Variants in DLGAP2 observed in about 807,000 individuals in gnomAD.
DLGAP2 encodes the protein DLG associated protein 2, also known as disks large-associated protein 2.
In DLGAP2, 26 loss-of-function variants were observed where a neutral mutation model predicts 100.3. The observed-to-expected ratio is 0.26, with a 90% CI of 0.19 to 0.36. The LOEUF (loss-of-function observed/expected upper bound fraction) is 0.36. Among genes scored for constraint, DLGAP2 ranks in the 10% least tolerant of loss-of-function variants. The pLI is 1.00. For missense variants in DLGAP2, 1,858 were observed against 1,453.2 expected, an observed-to-expected ratio of 1.28 and a Z score of -4.53; for synonymous variants, 886 against 630.1, an observed-to-expected ratio of 1.41 and a Z score of -6.08.
chr8:998,278 C>T (rs1320698517), intron 2 of DLGAP2, among the ~76,000 whole-genome samples: 1 of 152,188 alleles, frequency 6.6e-6, no homozygotes, highest in Non-Finnish European at 1.5e-5. Context: ...TCAGCTCCTA[C>T]AGAGGCTCAT....
At chr8:1,011,811 C>G (rs1801298729) in intron 2 of DLGAP2, among the ~76,000 whole-genome samples, 1 of 151,890 alleles carries the variant, frequency 6.6e-6, no homozygotes, top group Admixed American at 6.6e-5. Flanking sequence ...TGAGAGTCCT[C>G]AGTCTGCACA....
At chr8:1,588,574 C>G (rs994074083) in intron 6 of DLGAP2, among the ~76,000 whole-genome samples, 2 of 151,866 alleles carry the variant, frequency 1.3e-5, no homozygotes, top group East Asian at 3.9e-4. Flanking sequence ...AAATAATTGT[C>G]AAGTAAATAA....
At chr8:1,386,869 A>T (rs1796232901) in intron 3 of DLGAP2, among the ~76,000 whole-genome samples, 1 of 152,240 alleles carries the variant, frequency 6.6e-6, no homozygotes, top group Non-Finnish European at 1.5e-5. Context: ...GAGAATTTTG[A>T]ACTGTATTAA....
At chr8:1,057,740 CA>C (rs1802926262) in intron 2 of DLGAP2, among the ~76,000 whole-genome samples, 1 of 152,126 alleles carries the variant, frequency 6.6e-6, no homozygotes. Flanking sequence ...TGACTATGTT[CA>C]TTGATACTAA....
intron 2 of DLGAP2, among the ~76,000 whole-genome samples, chr8:1,049,337 G>A (rs957029466): frequency 5.9e-5 from 9 of 152,036 alleles, no homozygotes; most frequent in South Asian, 2.1e-4. Context: ...TAACGTCTTC[G>A]AAGACACAGA....
intron 1 of DLGAP2, among the ~76,000 whole-genome samples, chr8:795,359 C>A (rs1185328866): frequency 6.6e-6 from 1 of 152,222 alleles, no homozygotes; most frequent in Admixed American, 6.5e-5. Flanking sequence ...CGAAGCTTCT[C>A]TAACACGTGT....
intron 2 of DLGAP2, among the ~76,000 whole-genome samples, chr8:985,089 C>T (rs988555428): frequency 1.3e-5 from 2 of 152,202 alleles, no homozygotes; most frequent in South Asian, 2.1e-4. Flanking sequence ...AATGTTTCCA[C>T]GTAGTCATAT....
At chr8:1,057,481 A>G (rs1356671403) in intron 2 of DLGAP2, among the ~76,000 whole-genome samples, 2 of 152,196 alleles carry the variant, frequency 1.3e-5, no homozygotes, top group African/African-American at 4.8e-5. Flanking sequence ...CTTTCCTTCT[A>G]TGGATATAAA....
Position 1,683,952 on chromosome 8 carries a change from GTGTATATATATATATATATATATA to G in DLGAP2, c.2704+5325_2704+5348del, listed in dbSNP as rs1377787609. Among the ~76,000 whole-genome samples the G allele has an allele frequency of 2.5e-4, 5 of 20,348 alleles. 1 individual carries two copies. The highest frequency in any genetic ancestry group is 1.0e-3 in the African/African-American group (5 of 4,842). The allele number at this position is 20,348 out of a possible 152,430, so 13.3% of individuals were successfully genotyped here. ...TGTATATATGTGTATATATATATGT[GTGTATATATATATATATATATATA>G]TATATATATATACTTTTTTTTTTAA... On this transcript the variant is annotated intron_variant, in intron 12 of 14. Transcript: ENST00000637795.
intron 8 of DLGAP2, among the ~76,000 whole-genome samples, chr8:1,649,119 C>T (rs563128607): frequency 9.2e-5 from 14 of 152,288 alleles, no homozygotes; most frequent in Admixed American, 7.8e-4. Flanking sequence ...CAGGTGTATA[C>T]ATTGAATTTG....
In DLGAP2 at chr8:1,324,437, G is replaced by A. The variant is rs184111071; in HGVS notation, c.106+65554G>A. ...ATAAAATGCACATGATTTCGTCTGC[G>A]TTACTGTCTGAAATTCTTCCACAGC... On this transcript the variant is annotated intron_variant, in intron 3 of 14. Coordinates refer to ENST00000637795, the MANE Select transcript of DLGAP2 (RefSeq NM_001346810.2). 6.8e-4 allele frequency among the ~76,000 whole-genome samples: 104 copies of A among 152,262 alleles called. 2 individuals are homozygous for A. The highest frequency in any genetic ancestry group is 1.2e-3 in the Non-Finnish European group (80 of 68,018).
rs189956538 is a variant in DLGAP2 at position 1,316,185 on chromosome 8, T to C, written c.106+57302T>C. On this transcript the variant is annotated intron_variant, in intron 3 of 14. Transcript: ENST00000637795. The stretch of plus-strand genomic sequence containing the variant: ...TCTACACTCGAGAAACTCAGCAGCG[T>C]TTAAAAATAGAGCCTGTACGAGTGC... Among the ~76,000 whole-genome samples the C allele has an allele frequency of 7.9e-4, 98 of 123,566 alleles. 4 individuals carry two copies. The highest frequency in any genetic ancestry group is 2.7e-3 in the African/African-American group (90 of 33,826). The allele number at this position is 123,566 out of a possible 152,430, so 81.1% of individuals were successfully genotyped here.
chr8:1,433,786 G>T (rs1439799799), intron 3 of DLGAP2, among the ~76,000 whole-genome samples: 1 of 139,300 alleles, frequency 7.2e-6, no homozygotes, highest in Non-Finnish European at 1.5e-5. Flanking sequence ...TGTGTTGACA[G>T]CTGAGCAGGT....
chr8:1,067,901 T>C (rs1332817096), intron 2 of DLGAP2, among the ~76,000 whole-genome samples: 1 of 151,992 alleles, frequency 6.6e-6, no homozygotes, highest in Non-Finnish European at 1.5e-5. Flanking sequence ...ACCCCCCCAT[T>C]ACAGCAGCCC....
At chr8:1,657,196 A>G (rs1585038182) in intron 8 of DLGAP2, among the ~76,000 whole-genome samples, 2 of 152,226 alleles carry the variant, frequency 1.3e-5, no homozygotes, top group Admixed American at 6.5e-5. Context: ...GATCACTTAT[A>G]TAATCCCATG....
intron 3 of DLGAP2, among the ~76,000 whole-genome samples, chr8:1,390,647 C>G (rs946858611): frequency 2.6e-5 from 4 of 152,268 alleles, no homozygotes; most frequent in Admixed American, 1.3e-4. Flanking sequence ...CCGTCCACCT[C>G]TCACCTCCAT....
intron 3 of DLGAP2, among the ~76,000 whole-genome samples, chr8:1,364,746 C>G (rs557067516): frequency 1.3e-5 from 2 of 152,220 alleles, no homozygotes; most frequent in Non-Finnish European, 2.9e-5. Context: ...CAGAGCTCAG[C>G]TCCCCTTGAA....
At chr8:1,570,197 G>A (rs1802597495) in intron 6 of DLGAP2, among the ~76,000 whole-genome samples, 1 of 152,196 alleles carries the variant, frequency 6.6e-6, no homozygotes, top group Non-Finnish European at 1.5e-5. Context: ...AGACCGGGGA[G>A]GCACATACAC....
At chr8:1,057,059 A>C (rs920691840) in intron 2 of DLGAP2, among the ~76,000 whole-genome samples, 3 of 152,252 alleles carry the variant, frequency 2.0e-5, no homozygotes, top group African/African-American at 7.2e-5. Context: ...AGTTTGAGGA[A>C]CTACTGTGAG....
Sources: gnomAD v4.1 joint callset for allele counts (sites outside exome capture counted in the v4.1 genomes callset) on GRCh38, gnomAD v4.1.1 for gene constraint, MANE v1.5 for transcripts, NCBI Gene and HGNC (gene_info 2026-07-23, HGNC 2026-07-21) for gene names.